NTM: variants seen among roughly 807,000 people sequenced by gnomAD.
NTM encodes IgLON family member 2.
In NTM, 13 loss-of-function variants were observed where a neutral mutation model predicts 42.1. The observed-to-expected ratio is 0.31, with a 90% CI of 0.20 to 0.49. The LOEUF (loss-of-function observed/expected upper bound fraction) is 0.49. Among genes scored for constraint, NTM ranks in the 20% least tolerant of loss-of-function variants. The pLI is 0.99. For synonymous variants in NTM, 187 were observed against 179.2 expected (o/e 1.04, Z -0.35); for missense variants, 373 against 452.8 (o/e 0.82, Z 1.60).
chr11:131,732,189 C>A (rs1180902815), intron 1 of NTM, among the ~76,000 whole-genome samples: 2 of 152,164 alleles, frequency 1.3e-5, no homozygotes, highest in Non-Finnish European at 2.9e-5. Context: ...CAAAATCCAG[C>A]TTGCATTTTG....
chr11:131,618,337 G>A (rs1345988071), intron 1 of NTM, among the ~76,000 whole-genome samples: 1 of 152,100 alleles, frequency 6.6e-6, no homozygotes, highest in Non-Finnish European at 1.5e-5. Context: ...TGATGCACTG[G>A]TACCAAAACA....
intron 6 of NTM, 78 bp from the exon 7 acceptor site, chr11:132,314,474 A>G: frequency 1.4e-6 from 2 of 1,470,432 alleles, no homozygotes; most frequent in Non-Finnish European, 1.8e-6. Context: ...GAAGACCAGG[A>G]ATCCCTGGGC....
At chr11:131,887,504 A>G (rs2050598375) in intron 1 of NTM, among the ~76,000 whole-genome samples, 1 of 152,150 alleles carries the variant, frequency 6.6e-6, no homozygotes, top group Admixed American at 6.5e-5. Flanking sequence ...CTTAAACCTC[A>G]GCTTCTTTGT....
chr11:131,549,124 C>T (rs1161443618), intron 1 of NTM, among the ~76,000 whole-genome samples: 8 of 152,264 alleles, frequency 5.3e-5, no homozygotes, highest in East Asian at 1.9e-4. Flanking sequence ...ATCAAGAAAA[C>T]ATAGAAACAG....
chr11:131,647,382 G>A lies in NTM; in HGVS notation c.83-264182G>A, dbSNP rs2065899859. Among the ~76,000 whole-genome samples, 6 of 152,150 alleles carry A rather than the reference G, an allele frequency of 3.9e-5. 1 individual carries two copies. The highest frequency in any genetic ancestry group is 1.4e-4 in the African/African-American group (6 of 41,428). On this transcript the variant is annotated intron_variant, in intron 1 of 8. Transcript: ENST00000683400. ...TGGAACAGTGCATCTCTAACCTTCG[G>A]GGATGGCTTCGCAATGGGCAGCCCT...
chr11:131,818,752 C>T (rs577770894), intron 1 of NTM, among the ~76,000 whole-genome samples: 1 of 152,310 alleles, frequency 6.6e-6, no homozygotes, highest in South Asian at 2.1e-4. Context: ...TGCTTTTACA[C>T]TTACCGATCA....
At chr11:131,551,382 G>A (rs1365107628) in intron 1 of NTM, among the ~76,000 whole-genome samples, 2 of 151,688 alleles carry the variant, frequency 1.3e-5, no homozygotes, top group African/African-American at 2.4e-5. Context: ...GAGGGTGAAG[G>A]GAGCACATCT....
chr11:131,583,335 T>G (rs1191496469), intron 1 of NTM, among the ~76,000 whole-genome samples: 1 of 152,232 alleles, frequency 6.6e-6, no homozygotes, highest in African/African-American at 2.4e-5. Flanking sequence ...CACATTTCAT[T>G]ATCTAGTTCT....
At chr11:131,430,972 G>A (rs149680008) in intron 1 of NTM, among the ~76,000 whole-genome samples, 3 of 152,336 alleles carry the variant, frequency 2.0e-5, no homozygotes, top group Non-Finnish European at 1.5e-5. Context: ...GTCCCCCGAG[G>A]GACTGCCGTC....
At chr11:131,500,739 C>G (rs1342936584) in intron 1 of NTM, among the ~76,000 whole-genome samples, 1 of 92,122 alleles carries the variant, frequency 1.1e-5, no homozygotes, top group Non-Finnish European at 2.0e-5. Context: ...CCCCCCTCCC[C>G]CCACCCCACA....
intron 1 of NTM, chr11:131,660,653 C>T (rs1025657515): frequency 2.0e-5 from 9 of 447,790 alleles, no homozygotes; most frequent in African/African-American, 1.6e-4. Context: ...CTTATTCCTT[C>T]CTGACCTTTC....
chr11:131,667,700 C>T (rs887670032), intron 1 of NTM, among the ~76,000 whole-genome samples: 1 of 152,194 alleles, frequency 6.6e-6, no homozygotes, highest in African/African-American at 2.4e-5. Context: ...TGAAACGTCC[C>T]TGAGCAGACC....
chr11:131,934,597 A>G (rs555316148), intron 2 of NTM, among the ~76,000 whole-genome samples: 1 of 152,340 alleles, frequency 6.6e-6, no homozygotes, highest in East Asian at 1.9e-4. Flanking sequence ...CAAACAAGGT[A>G]ACATATACAA....
At chr11:132,327,641 A>G (rs1163437821) in intron 7 of NTM, among the ~76,000 whole-genome samples, 1 of 152,206 alleles carries the variant, frequency 6.6e-6, no homozygotes, top group African/African-American at 2.4e-5. Context: ...GCTTATCTGG[A>G]CACTCGGATT....
chr11:131,718,555 G>A (rs769147826), intron 1 of NTM, among the ~76,000 whole-genome samples: 7 of 152,158 alleles, frequency 4.6e-5, no homozygotes, highest in African/African-American at 7.2e-5. Context: ...CCCTGGCCCC[G>A]TGTGAGTGCT....
intron 1 of NTM, among the ~76,000 whole-genome samples, chr11:131,905,001 T>C (rs1161015582): frequency 1.3e-5 from 2 of 152,196 alleles, no homozygotes; most frequent in African/African-American, 2.4e-5. Context: ...AGTCTGCTCC[T>C]GGGTTCTCTG....
At chr11:132,147,263 C>G (rs909011151) in intron 3 of NTM, among the ~76,000 whole-genome samples, 2 of 151,510 alleles carry the variant, frequency 1.3e-5, no homozygotes, top group Non-Finnish European at 2.9e-5. Flanking sequence ...GTTATGCTCT[C>G]TTAGACCCTG....
At chr11:131,847,720 C>CA (rs145153859) in intron 1 of NTM, among the ~76,000 whole-genome samples, 19,203 of 149,704 alleles carry the variant, frequency 0.13, 1,364 homozygotes, top group African/African-American at 0.18. Context: ...AGGGAAATAC[C>CA]AAAAAAAAAT....
chr11:131,970,182 A>G (rs1483229109), intron 2 of NTM, among the ~76,000 whole-genome samples: 1 of 152,238 alleles, frequency 6.6e-6, no homozygotes, highest in African/African-American at 2.4e-5. Flanking sequence ...CAACCAAATC[A>G]TAATTGTCCT....
Sources: allele counts gnomAD v4.1 joint callset (sites outside exome capture counted in the v4.1 genomes callset), GRCh38; gene constraint gnomAD v4.1.1; transcripts MANE v1.5; gene names NCBI Gene and HGNC (gene_info 2026-07-23, HGNC 2026-07-21).